CALCRL: variants seen among roughly 807,000 people sequenced by gnomAD.
CALCRL encodes calcitonin gene-related peptide type 1 receptor.
In CALCRL, 27 loss-of-function variants were observed where a neutral mutation model predicts 60.4. That is an observed-to-expected ratio of 0.45 (90% CI 0.33 to 0.62). The LOEUF (loss-of-function observed/expected upper bound fraction) is 0.62. Among genes scored for constraint, CALCRL ranks in the 20% least tolerant of loss-of-function variants. The pLI, the probability that CALCRL is intolerant of heterozygous loss-of-function variation, is 0.03. For missense variants in CALCRL, 424 were observed against 540.7 expected (o/e 0.78, Z 2.14); for synonymous variants, 190 against 182.6 (o/e 1.04, Z -0.33).
chr2:187,359,156 T>A, intron 11 of CALCRL, 27 bp from the exon 12 acceptor site: 2 of 1,605,732 alleles, frequency 1.2e-6, no homozygotes, highest in South Asian at 1.1e-5. Flanking sequence ...AACATTATGT[T>A]GAAAATTTTT....
chr2:187,446,905 T>C (rs1326401002), intron 1 of CALCRL, among the ~76,000 whole-genome samples: 1 of 151,960 alleles, frequency 6.6e-6, no homozygotes, highest in Non-Finnish European at 1.5e-5. Flanking sequence ...AGTGATTAAG[T>C]ACAGGATGCT....
At chr2:187,359,307 A>AT (rs1230518427) in intron 10 of CALCRL, 35 bp from the exon 11 acceptor site, 14 of 1,426,658 alleles carry the variant, frequency 9.8e-6, no homozygotes, top group African/African-American at 2.9e-5. Context: ...ATAAATAGGC[A>AT]TTTTTTCTAC....
intron 7 of CALCRL, among the ~76,000 whole-genome samples, chr2:187,379,408 T>A (rs1427216285): frequency 6.6e-6 from 1 of 152,154 alleles, no homozygotes; most frequent in Non-Finnish European, 1.5e-5. Flanking sequence ...TTTGTTTTGT[T>A]CAGATGTAAA....
intron 1 of CALCRL, chr2:187,415,548 C>T (rs1284618192): frequency 2.2e-6 from 1 of 450,052 alleles, no homozygotes; most frequent in Non-Finnish European, 4.1e-6. Flanking sequence ...GGACAGGAAA[C>T]TCTGCCAATG....
chr2:187,424,660 T>A (rs768206306), intron 1 of CALCRL, among the ~76,000 whole-genome samples: 1 of 151,978 alleles, frequency 6.6e-6, no homozygotes. Context: ...TGGAAAAGTA[T>A]GAAGATGTGC....
At chr2:187,433,305 A>G (rs1237750126) in intron 1 of CALCRL, among the ~76,000 whole-genome samples, 1 of 152,094 alleles carries the variant, frequency 6.6e-6, no homozygotes, top group South Asian at 2.1e-4. Flanking sequence ...AAATGCTATG[A>G]AAGAATCTTT....
chr2:187,398,371 C>T (rs1180309963), intron 1 of CALCRL, among the ~76,000 whole-genome samples: 1 of 151,506 alleles, frequency 6.6e-6, no homozygotes, highest in Non-Finnish European at 1.5e-5. Context: ...TTTTAAGTTG[C>T]ATACCAGTCC....
intron 1 of CALCRL, among the ~76,000 whole-genome samples, chr2:187,412,782 A>G (rs1453667913): frequency 6.6e-6 from 1 of 152,228 alleles, no homozygotes; most frequent in Non-Finnish European, 1.5e-5. Context: ...AATACTGTAA[A>G]TGGCTTTCAG....
chr2:187,360,189 T>C (rs1422908435), intron 10 of CALCRL, among the ~76,000 whole-genome samples: 4 of 152,086 alleles, frequency 2.6e-5, no homozygotes, highest in African/African-American at 9.7e-5. Flanking sequence ...TGACAATATT[T>C]TAAACAAATA....
chr2:187,376,241 T>C (rs889963800), intron 8 of CALCRL, among the ~76,000 whole-genome samples: 2 of 152,106 alleles, frequency 1.3e-5, no homozygotes, highest in African/African-American at 4.8e-5. Context: ...GTTATATTCG[T>C]TTTTTTAAAT....
chr2:187,429,355 G>A (rs1056205202), intron 1 of CALCRL, among the ~76,000 whole-genome samples: 4 of 152,092 alleles, frequency 2.6e-5, no homozygotes, highest in African/African-American at 4.8e-5. Flanking sequence ...ATTATCTTTA[G>A]GTCAGAGAGT....
At chr2:187,428,823 G>A (rs1690266610) in intron 1 of CALCRL, 1 of 151,316 alleles carries the variant, frequency 6.6e-6, no homozygotes, top group South Asian at 2.1e-4. Context: ...AACACGGGAG[G>A]TGGAGCTTGC....
At chr2:187,414,012 G>A (rs1029408194) in intron 1 of CALCRL, among the ~76,000 whole-genome samples, 1 of 151,952 alleles carries the variant, frequency 6.6e-6, no homozygotes, top group African/African-American at 2.4e-5. Context: ...TATCCTATAT[G>A]TGACTATTAC....
chr2:187,351,382 T>C (rs920088391), intron 14 of CALCRL, among the ~76,000 whole-genome samples: 1 of 151,530 alleles, frequency 6.6e-6, no homozygotes, highest in Non-Finnish European at 1.5e-5. Flanking sequence ...TACTGAAGAG[T>C]ACATGGTCAT....
At chr2:187,346,534 A>C in intron 14 of CALCRL, 135 bp from the exon 15 acceptor site, 1 of 595,590 alleles carries the variant, frequency 1.7e-6, no homozygotes, top group Non-Finnish European at 2.9e-6. Context: ...AGTGAATAAT[A>C]TAGCTTCATT....
intron 5 of CALCRL, among the ~76,000 whole-genome samples, chr2:187,381,384 TA>T (rs1180529239): frequency 1.3e-5 from 2 of 152,130 alleles, no homozygotes; most frequent in South Asian, 2.1e-4. Flanking sequence ...TTAAAATATA[TA>T]AAGTTTTTTT....
chr2:187,357,553 G>A lies in CALCRL; in HGVS notation c.909+1510C>T, dbSNP rs1296909186. ...GCATTAGGAGAAATACATAATGCAT[G>A]TGGCGCTTAAAACCCAAATGACAGT... On this transcript the variant is annotated intron_variant, in intron 12 of 14. Transcript: ENST00000392370. 2.0e-5 allele frequency among the ~76,000 whole-genome samples: 3 copies of A among 150,236 alleles called. No homozygotes were observed. In the Admixed American group the frequency reaches 2.0e-4, roughly 10 times the overall value.
At chr2:187,404,199 C>A (rs1274231768) in intron 1 of CALCRL, among the ~76,000 whole-genome samples, 1 of 151,784 alleles carries the variant, frequency 6.6e-6, no homozygotes, top group Non-Finnish European at 1.5e-5. Flanking sequence ...TTTAATAGAC[C>A]TTAACAACAA....
intron 1 of CALCRL, among the ~76,000 whole-genome samples, chr2:187,445,629 A>C (rs1409977561): frequency 1.3e-5 from 2 of 151,600 alleles, no homozygotes; most frequent in Non-Finnish European, 3.0e-5. Context: ...AAATTCAGTT[A>C]GTGTTTATGT....
Sources: allele counts gnomAD v4.1 joint callset (sites outside exome capture counted in the v4.1 genomes callset), GRCh38; gene constraint gnomAD v4.1.1; transcripts MANE v1.5; gene names NCBI Gene and HGNC (gene_info 2026-07-23, HGNC 2026-07-21).